Variants in PABPC4L observed in about 807,000 individuals in gnomAD.
PABPC4L encodes polyadenylate-binding protein 4-like.
For synonymous variants in PABPC4L, 169 were observed against 164.1 expected (o/e 1.03, Z -0.23); for missense variants, 452 against 451.4 (o/e 1.00, Z -0.01).
chr4:134,059,291 G>A, the PABPC4L span, among the ~76,000 whole-genome samples: 52,998 of 150,264 alleles, frequency 0.35, 11,335 homozygotes, highest in East Asian at 0.92. Context: ...AAGGTTCGTC[G>A]GAAAGTTGAG....
chr4:134,131,961 G>A, the PABPC4L span, among the ~76,000 whole-genome samples: 1 of 151,824 alleles, frequency 6.6e-6, no homozygotes, highest in African/African-American at 2.4e-5. Flanking sequence ...AACAAATTGG[G>A]GAATGGACAT....
At chr4:134,153,549 G>T in the PABPC4L span, among the ~76,000 whole-genome samples, 1 of 151,930 alleles carries the variant, frequency 6.6e-6, no homozygotes, top group Non-Finnish European at 1.5e-5. Context: ...TGTGAATAAG[G>T]GTCACCTTAG....
the PABPC4L span, among the ~76,000 whole-genome samples, chr4:134,057,310 T>C: frequency 6.6e-6 from 1 of 152,064 alleles, no homozygotes; most frequent in Non-Finnish European, 1.5e-5. Flanking sequence ...CCTTCTAACA[T>C]ATTATTTTTT....
At chr4:134,020,837 C>G in the PABPC4L span, among the ~76,000 whole-genome samples, 4 of 152,018 alleles carry the variant, frequency 2.6e-5, no homozygotes. Flanking sequence ...TATATAATCT[C>G]ATAATATAGT....
chr4:134,041,974 G>T, the PABPC4L span, among the ~76,000 whole-genome samples: 1 of 152,108 alleles, frequency 6.6e-6, no homozygotes, highest in Non-Finnish European at 1.5e-5. Context: ...TGTGTATATT[G>T]CAGCACAGCT....
At chr4:134,138,379 T>C in the PABPC4L span, among the ~76,000 whole-genome samples, 3 of 151,824 alleles carry the variant, frequency 2.0e-5, no homozygotes, top group African/African-American at 4.8e-5. Flanking sequence ...GTCAAATTAT[T>C]GGGATATCTA....
chr4:134,047,186 A>C, the PABPC4L span, among the ~76,000 whole-genome samples: 2 of 152,176 alleles, frequency 1.3e-5, no homozygotes, highest in South Asian at 4.1e-4. Flanking sequence ...CTTATGCTTT[A>C]AATTTGAGTT....
the PABPC4L span, among the ~76,000 whole-genome samples, chr4:134,123,092 C>T: frequency 3.3e-5 from 5 of 151,928 alleles, no homozygotes; most frequent in Non-Finnish European, 5.9e-5. Context: ...CCTCTAGTCA[C>T]GTCATTTGTA....
the PABPC4L span, among the ~76,000 whole-genome samples, chr4:133,957,388 G>T: frequency 6.6e-6 from 1 of 152,202 alleles, no homozygotes; most frequent in East Asian, 1.9e-4. Flanking sequence ...TGATGCAAGA[G>T]ATGGGCTTCT....
chr4:134,082,707 T>C, the PABPC4L span, among the ~76,000 whole-genome samples: 2 of 151,994 alleles, frequency 1.3e-5, no homozygotes, highest in African/African-American at 4.8e-5. Context: ...ATTGGGCCCA[T>C]CTCTCTATTT....
chr4:134,191,854 A>C (rs913442293), downstream of PABPC4L, among the ~76,000 whole-genome samples: 1 of 151,972 alleles, frequency 6.6e-6, no homozygotes, highest in South Asian at 2.1e-4. Context: ...AAAGCAAGCA[A>C]AAATAAATAA....
chr4:134,115,287 G>T, the PABPC4L span, among the ~76,000 whole-genome samples: 1 of 151,728 alleles, frequency 6.6e-6, no homozygotes, highest in Non-Finnish European at 1.5e-5. Flanking sequence ...GGCAAACTTG[G>T]CCTCTGTCCT....
chr4:134,049,985 C>A, the PABPC4L span, among the ~76,000 whole-genome samples: 2 of 152,124 alleles, frequency 1.3e-5, no homozygotes, highest in Middle Eastern at 3.2e-3. Flanking sequence ...AAACTCCTTT[C>A]ACTGGTGGGA....
the PABPC4L span, among the ~76,000 whole-genome samples, chr4:134,053,779 C>T: frequency 1.2e-4 from 18 of 151,980 alleles, no homozygotes; most frequent in Non-Finnish European, 2.1e-4. Flanking sequence ...GTATTAACCA[C>T]TGGAATAAAG....
the PABPC4L span, among the ~76,000 whole-genome samples, chr4:134,178,314 A>G: frequency 1.7e-4 from 25 of 150,860 alleles, no homozygotes; most frequent in African/African-American, 5.6e-4. Context: ...AGTAAACCAA[A>G]CACACCATAT....
chr4:134,171,982 G>A, the PABPC4L span, among the ~76,000 whole-genome samples: 265 of 151,756 alleles, frequency 1.7e-3, 1 homozygote, highest in African/African-American at 6.1e-3. Context: ...TCTCTACAAT[G>A]AGAATTACAA....
At chr4:134,131,891 A>C in the PABPC4L span, among the ~76,000 whole-genome samples, 75 of 152,052 alleles carry the variant, frequency 4.9e-4, 1 homozygote, top group South Asian at 0.012. Context: ...GAACAGATTA[A>C]GGAAACCAGA....
At chr4:134,182,037 A>T in the PABPC4L span, among the ~76,000 whole-genome samples, 1 of 151,842 alleles carries the variant, frequency 6.6e-6, no homozygotes, top group East Asian at 1.9e-4. Flanking sequence ...CTCCCAAAGC[A>T]ATTTGCATAT....
At chr4:134,167,369 G>A in the PABPC4L span, among the ~76,000 whole-genome samples, 1 of 151,812 alleles carries the variant, frequency 6.6e-6, no homozygotes, top group African/African-American at 2.4e-5. Context: ...TCCTAATACT[G>A]CTCTGAAAAA....
Sources: allele counts gnomAD v4.1 joint callset (sites outside exome capture counted in the v4.1 genomes callset), GRCh38; gene constraint gnomAD v4.1.1; transcripts MANE v1.5; gene names NCBI Gene and HGNC (gene_info 2026-07-23, HGNC 2026-07-21).